The following SPIDR variants were observed in gnomAD, a reference collection of about 807,000 sequenced individuals.
SPIDR encodes the protein scaffold protein involved in DNA repair.
SPIDR carries 93 observed loss-of-function variants against 104.6 expected under a neutral mutation model. The observed-to-expected ratio is 0.89, with a 90% CI of 0.75 to 1.06. SPIDR has a LOEUF of 1.06. Among genes scored for constraint, SPIDR ranks in the 50% least tolerant of loss-of-function variants. The probability of loss-of-function intolerance (pLI) is 0.00; values close to 1 mark genes in which losing one functional copy is unlikely to be tolerated. For synonymous variants in SPIDR, 431 were observed against 416.9 expected (o/e 1.03, Z -0.41); for missense variants, 1,154 against 1,111.2 (o/e 1.04, Z -0.55).
At chr8:47,660,395 T>C in intron 10 of SPIDR, 1 of 930,586 alleles carries the variant, frequency 1.1e-6, no homozygotes, top group South Asian at 5.0e-5. Context: ...CACTGTGGAA[T>C]GTGGTTTCAT....
intron 8 of SPIDR, among the ~76,000 whole-genome samples, chr8:47,583,283 G>A (rs1465443783): frequency 7.0e-6 from 1 of 143,598 alleles, no homozygotes; most frequent in Non-Finnish European, 1.5e-5. Flanking sequence ...TCCAGCCTGG[G>A]TGACAGAGCG....
chr8:47,350,026 T>C (rs2053144201), intron 5 of SPIDR, among the ~76,000 whole-genome samples: 1 of 152,206 alleles, frequency 6.6e-6, no homozygotes, highest in Non-Finnish European at 1.5e-5. Flanking sequence ...CCTTTGGAAA[T>C]GCAGAAATCA....
intron 8 of SPIDR, among the ~76,000 whole-genome samples, chr8:47,453,642 A>C (rs1585967830): frequency 6.6e-6 from 1 of 152,190 alleles, no homozygotes; most frequent in Non-Finnish European, 1.5e-5. Context: ...TGCTGGAAAA[A>C]CTGGCTAGCC....
At position 47,619,264 on chromosome 8, in the gene SPIDR, C is replaced by T. The variant is rs1306884144; in HGVS notation, c.1544+20068C>T. ...CTTTTTAGGTGGTAGGATTATTCAGCTTTAAATAATTTAGATGTTTGGGGT... is the reference window on the plus strand; with the variant it reads ...CTTTTTAGGTGGTAGGATTATTCAGTTTTAAATAATTTAGATGTTTGGGGT... On this transcript the variant is annotated intron_variant, in intron 10 of 19. Transcript: ENST00000297423. Among the ~76,000 whole-genome samples the T allele has an allele frequency of 2.0e-5, 3 of 152,260 alleles. No homozygotes were observed. In the East Asian group the frequency reaches 5.8e-4, roughly 29 times the overall value.
intron 8 of SPIDR, among the ~76,000 whole-genome samples, chr8:47,483,717 A>C (rs6982620): frequency 0.44 from 67,578 of 151,976 alleles, 18,599 homozygotes; most frequent in East Asian, 0.66. Context: ...TTTGATTGTC[A>C]TGGGGATCTG....
At chr8:47,307,645 T>C (rs2043331515) in intron 5 of SPIDR, among the ~76,000 whole-genome samples, 1 of 150,524 alleles carries the variant, frequency 6.6e-6, no homozygotes, top group African/African-American at 2.5e-5. Flanking sequence ...TTCAAGCGAT[T>C]CTCATGCCTC....
At chr8:47,472,046 C>T (rs917709657) in intron 8 of SPIDR, among the ~76,000 whole-genome samples, 17 of 152,250 alleles carry the variant, frequency 1.1e-4, no homozygotes, top group African/African-American at 3.6e-4. Context: ...CACTGTATGC[C>T]GGTACATTGC....
intron 8 of SPIDR, among the ~76,000 whole-genome samples, chr8:47,469,076 C>A (rs2075303115): frequency 6.6e-6 from 1 of 152,056 alleles, no homozygotes; most frequent in Admixed American, 6.5e-5. Flanking sequence ...ATATGGCCAA[C>A]AAGCACATGA....
intron 16 of SPIDR, among the ~76,000 whole-genome samples, chr8:47,719,838 A>G (rs1216853798): frequency 2.0e-5 from 3 of 152,142 alleles, no homozygotes; most frequent in East Asian, 1.9e-4. Flanking sequence ...TGCTCCTTAC[A>G]TTTACAGGAG....
intron 7 of SPIDR, chr8:47,419,061 A>T (rs1241797723): frequency 6.6e-6 from 1 of 151,974 alleles, no homozygotes; most frequent in African/African-American, 2.4e-5. Context: ...TTCCTCAGGG[A>T]TATTGGTCTA....
chr8:47,541,316 G>A (rs2088084987), intron 8 of SPIDR, among the ~76,000 whole-genome samples: 2 of 152,202 alleles, frequency 1.3e-5, no homozygotes, highest in African/African-American at 4.8e-5. Context: ...TATACCACCA[G>A]TAAGATGCTG....
At chr8:47,669,329 A>C (rs2075467189) in intron 10 of SPIDR, among the ~76,000 whole-genome samples, 1 of 152,222 alleles carries the variant, frequency 6.6e-6, no homozygotes, top group Non-Finnish European at 1.5e-5. Flanking sequence ...CAGGCTGCTG[A>C]TAAGCTGACG....
At chr8:47,386,956 T>C (rs868960770) in intron 5 of SPIDR, among the ~76,000 whole-genome samples, 2 of 123,066 alleles carry the variant, frequency 1.6e-5, no homozygotes, top group South Asian at 5.0e-4. Flanking sequence ...GATATAGATA[T>C]AGATATAGAT....
chr8:47,708,966 G>A (rs1417124442), intron 14 of SPIDR, among the ~76,000 whole-genome samples: 1 of 151,304 alleles, frequency 6.6e-6, no homozygotes, highest in Non-Finnish European at 1.5e-5. Context: ...GCAATTATGA[G>A]TAAGAAGACT....
At chr8:47,324,872 C>G (rs117777548) in intron 5 of SPIDR, among the ~76,000 whole-genome samples, 12 of 152,110 alleles carry the variant, frequency 7.9e-5, no homozygotes, top group Admixed American at 7.9e-4. Flanking sequence ...GCTGGAAGAT[C>G]GTCTGGGACA....
chr8:47,386,904 GATATAGATATAGATAT>G (rs199820823), intron 5 of SPIDR, among the ~76,000 whole-genome samples: 24,570 of 126,778 alleles, frequency 0.19, 2,721 homozygotes, highest in African/African-American at 0.28. Flanking sequence ...GAGAGAGAGA[GATATAGATATAGATAT>G]AGATATAGAT....
chr8:47,618,613 C>T (rs541372263), intron 10 of SPIDR, among the ~76,000 whole-genome samples: 9 of 152,190 alleles, frequency 5.9e-5, no homozygotes, highest in South Asian at 4.1e-4. Flanking sequence ...TTACTATATA[C>T]AAGGCCTTAG....
chr8:47,609,075 A>G (rs1286806563), intron 10 of SPIDR, among the ~76,000 whole-genome samples: 1 of 152,202 alleles, frequency 6.6e-6, no homozygotes, highest in Non-Finnish European at 1.5e-5. Context: ...TCTTTAGAGA[A>G]ATGTCTTTCA....
intron 8 of SPIDR, among the ~76,000 whole-genome samples, chr8:47,545,372 TTTTC>T (rs1261849324): frequency 1.3e-5 from 2 of 152,010 alleles, no homozygotes; most frequent in East Asian, 1.9e-4. Context: ...CCCGGCCTTT[TTTTC>T]TTTCTTTTTC....
Sources: gnomAD v4.1 joint callset for allele counts (sites outside exome capture counted in the v4.1 genomes callset) on GRCh38, gnomAD v4.1.1 for gene constraint, MANE v1.5 for transcripts, NCBI Gene and HGNC (gene_info 2026-07-23, HGNC 2026-07-21) for gene names.